The following MACROD2 variants were observed in gnomAD, a reference collection of about 807,000 sequenced individuals.
The protein encoded by MACROD2 is mono-ADP ribosylhydrolase 2.
Under a neutral mutation model 70.4 loss-of-function variants are expected in MACROD2, and 36 were observed. The observed-to-expected ratio is 0.51, with a 90% confidence interval of 0.39 to 0.68. MACROD2 has a LOEUF of 0.68. MACROD2 is among the 30% of genes least tolerant of loss of function. The pLI is 0.00. For synonymous variants in MACROD2, 172 were observed against 178.8 expected (o/e 0.96, Z 0.30); for missense variants, 496 against 538.4 (o/e 0.92, Z 0.78).
At chr20:15,388,524 C>G (rs188823620) in intron 6 of MACROD2, among the ~76,000 whole-genome samples, 1 of 152,190 alleles carries the variant, frequency 6.6e-6, no homozygotes, top group Admixed American at 6.5e-5. Flanking sequence ...TTAAGTATGT[C>G]TCATGTAATA....
chr20:15,984,638 C>G (rs56106190), intron 13 of MACROD2, among the ~76,000 whole-genome samples: 27,136 of 150,668 alleles, frequency 0.18, 2,518 homozygotes, highest in South Asian at 0.31. Flanking sequence ...GCCTCCCCCC[C>G]CCGCCCTTCT....
At chr20:14,215,028 G>A (rs1012603261) in intron 3 of MACROD2, among the ~76,000 whole-genome samples, 1 of 149,480 alleles carries the variant, frequency 6.7e-6, no homozygotes, top group South Asian at 2.1e-4. Context: ...ATATATGTGT[G>A]TGTACATATA....
At chr20:14,788,580 C>CAAAAA (rs11477973) in intron 5 of MACROD2, among the ~76,000 whole-genome samples, 4 of 73,276 alleles carry the variant, frequency 5.5e-5, no homozygotes, top group Admixed American at 3.0e-4. Context: ...GATCACATCT[C>CAAAAA]AAAAAAAAAA....
intron 4 of MACROD2, among the ~76,000 whole-genome samples, chr20:14,668,342 A>T (rs1407212367): frequency 6.6e-6 from 1 of 152,134 alleles, no homozygotes. Flanking sequence ...CTGGGCCTGC[A>T]TTTGGAATAA....
At chr20:14,084,022 A>G (rs1203169179) in intron 2 of MACROD2, among the ~76,000 whole-genome samples, 3 of 125,038 alleles carry the variant, frequency 2.4e-5, no homozygotes, top group Non-Finnish European at 3.2e-5. Context: ...AGATCGCGCC[A>G]CTGCACTCCA....
chr20:14,216,657 T>C (rs979570820), intron 3 of MACROD2, among the ~76,000 whole-genome samples: 1 of 152,188 alleles, frequency 6.6e-6, no homozygotes, highest in Admixed American at 6.6e-5. Flanking sequence ...TGTTTCCATT[T>C]GTTTGTGTCG....
chr20:15,449,374 G>C (rs951879046), intron 7 of MACROD2, among the ~76,000 whole-genome samples: 1 of 152,118 alleles, frequency 6.6e-6, no homozygotes, highest in Non-Finnish European at 1.5e-5. Flanking sequence ...ACAGGAGCTT[G>C]AGGGGCATTT....
At chr20:14,607,007 A>G (rs1847194304) in intron 4 of MACROD2, among the ~76,000 whole-genome samples, 1 of 152,208 alleles carries the variant, frequency 6.6e-6, no homozygotes, top group African/African-American at 2.4e-5. Flanking sequence ...CAAGGCACAG[A>G]TAGTCTTACA....
At chr20:15,470,862 C>T (rs547055873) in intron 7 of MACROD2, among the ~76,000 whole-genome samples, 2 of 152,304 alleles carry the variant, frequency 1.3e-5, no homozygotes, top group South Asian at 2.1e-4. Flanking sequence ...CTCCTCTCTG[C>T]CACCTTTGAT....
intron 9 of MACROD2, among the ~76,000 whole-genome samples, chr20:15,870,603 T>TTGTGATGTCTTCCACCA (rs1328738696): frequency 1.3e-5 from 2 of 152,134 alleles, no homozygotes; most frequent in African/African-American, 4.8e-5. Context: ...GCCTTCCACT[T>TTGTGATGTCTTCCACCA]TGTGATGTCT....
At chr20:15,268,525 G>A (rs1234762690) in intron 6 of MACROD2, among the ~76,000 whole-genome samples, 2 of 152,102 alleles carry the variant, frequency 1.3e-5, no homozygotes, top group East Asian at 1.9e-4. Context: ...GTGGTCGTGG[G>A]CGCCTGTAAT....
intron 15 of MACROD2, 23 bp downstream of exon 15, chr20:15,987,181 C>T (rs1399188003): frequency 6.4e-7 from 1 of 1,558,248 alleles, no homozygotes; most frequent in African/African-American, 1.4e-5. Flanking sequence ...TTAAATTAAC[C>T]CATCAAGAAT....
intron 13 of MACROD2, among the ~76,000 whole-genome samples, chr20:15,979,457 G>A (rs1473975355): frequency 6.6e-6 from 1 of 152,150 alleles, no homozygotes; most frequent in Non-Finnish European, 1.5e-5. Context: ...GCTGCTGCGT[G>A]TCACATTGTC....
chr20:15,477,765 T>C lies in MACROD2; in HGVS notation c.572-22009T>C, dbSNP rs554865981. On this transcript the variant is annotated intron_variant, in intron 7 of 17. Transcript: ENST00000684519. ...GCAAAAGAGACTTTACAGATATTGATGAAGTTCAGGATATTGGGATGGGAG... is the reference window on the plus strand; with the variant it reads ...GCAAAAGAGACTTTACAGATATTGACGAAGTTCAGGATATTGGGATGGGAG... Among the ~76,000 whole-genome samples, 6 of 152,268 alleles carry C rather than the reference T, an allele frequency of 3.9e-5. No homozygotes were observed. In the South Asian group the frequency reaches 1.2e-3, roughly 32 times the overall value.
At chr20:15,815,860 G>C (rs1193930225) in intron 8 of MACROD2, among the ~76,000 whole-genome samples, 2 of 152,048 alleles carry the variant, frequency 1.3e-5, no homozygotes, top group African/African-American at 2.4e-5. Context: ...TTTTTTCCAT[G>C]ATGTTGATTA....
chr20:15,878,411 C>T (rs1246543766), intron 9 of MACROD2, among the ~76,000 whole-genome samples: 1 of 152,100 alleles, frequency 6.6e-6, no homozygotes, highest in South Asian at 2.1e-4. Flanking sequence ...TTCCCCAGAG[C>T]TTTGGATGCA....
intron 3 of MACROD2, among the ~76,000 whole-genome samples, chr20:14,297,053 G>A (rs2082433336): frequency 6.6e-6 from 1 of 151,600 alleles, no homozygotes; most frequent in Admixed American, 6.6e-5. Flanking sequence ...GATCTTTAAT[G>A]TTACTATTGT....
chr20:14,108,252 C>A (rs1449453024), intron 3 of MACROD2, among the ~76,000 whole-genome samples: 1 of 151,094 alleles, frequency 6.6e-6, no homozygotes, highest in Admixed American at 6.6e-5. Context: ...GAAAAACATA[C>A]AATGGATACA....
intron 8 of MACROD2, among the ~76,000 whole-genome samples, chr20:15,599,063 A>G (rs184481503): frequency 6.6e-6 from 1 of 152,192 alleles, no homozygotes; most frequent in East Asian, 1.9e-4. Flanking sequence ...GTTGTCTGAT[A>G]CCCATCAAGA....
Sources: gnomAD v4.1 joint callset for allele counts (sites outside exome capture counted in the v4.1 genomes callset) on GRCh38, gnomAD v4.1.1 for gene constraint, MANE v1.5 for transcripts, NCBI Gene and HGNC (gene_info 2026-07-23, HGNC 2026-07-21) for gene names.